BRINP3: variants seen among roughly 807,000 people sequenced by gnomAD.
BRINP3 encodes BMP/retinoic acid-inducible neural-specific protein 3.
A neutral mutation model predicts 71.0 loss-of-function variants in BRINP3; 19 were observed. The observed-to-expected ratio is 0.27, with a 90% CI of 0.19 to 0.39. The LOEUF (loss-of-function observed/expected upper bound fraction) is 0.39. Ranked by LOEUF, BRINP3 falls within the 10% of genes least tolerant of loss-of-function variation. BRINP3 has a pLI of 1.00. For synonymous variants in BRINP3, 380 were observed against 337.7 expected, an observed-to-expected ratio of 1.13 and a Z score of -1.37; for missense variants, 959 against 940.8, an observed-to-expected ratio of 1.02 and a Z score of -0.25.
intron 1 of BRINP3, among the ~76,000 whole-genome samples, chr1:190,466,541 T>C (rs1217634678): frequency 1.3e-5 from 2 of 151,810 alleles, no homozygotes; most frequent in African/African-American, 4.8e-5. Flanking sequence ...ACTTTCAGAA[T>C]TTCAAAATAA....
At chr1:190,472,026 A>G (rs887775113) in intron 1 of BRINP3, among the ~76,000 whole-genome samples, 26 of 151,604 alleles carry the variant, frequency 1.7e-4, no homozygotes, top group African/African-American at 6.3e-4. Context: ...AAGTTGAGTC[A>G]ACATTGTTTA....
intron 2 of BRINP3, among the ~76,000 whole-genome samples, chr1:190,305,917 TTA>T (rs1224453930): frequency 6.6e-6 from 1 of 151,974 alleles, no homozygotes; most frequent in African/African-American, 2.4e-5. Context: ...ATATGTACAA[TTA>T]TGTGTTAATC....
chr1:190,215,385 G>A (rs1342728256), intron 6 of BRINP3, among the ~76,000 whole-genome samples: 1 of 151,776 alleles, frequency 6.6e-6, no homozygotes, highest in African/African-American at 2.4e-5. Flanking sequence ...ACCGACAGCA[G>A]ATTTTATTAA....
chr1:190,128,024 T>C (rs920238792), intron 7 of BRINP3, among the ~76,000 whole-genome samples: 4 of 151,754 alleles, frequency 2.6e-5, no homozygotes, highest in African/African-American at 9.7e-5. Context: ...TTTCAATTCA[T>C]TGGCTGTAAT....
intron 6 of BRINP3, among the ~76,000 whole-genome samples, chr1:190,188,762 CTT>C (rs879853753): frequency 6.9e-6 from 1 of 145,882 alleles, no homozygotes; most frequent in African/African-American, 2.5e-5. Context: ...TTGCTGGTAT[CTT>C]TTTTTTTTTT....
At chr1:190,104,789 G>C (rs947662219) in intron 7 of BRINP3, among the ~76,000 whole-genome samples, 1 of 151,738 alleles carries the variant, frequency 6.6e-6, no homozygotes, top group East Asian at 1.9e-4. Flanking sequence ...CAATTACCTC[G>C]TCTCATGGTT....
chr1:190,256,453 T>C (rs1571533620), intron 4 of BRINP3, among the ~76,000 whole-genome samples: 1 of 152,214 alleles, frequency 6.6e-6, no homozygotes, highest in African/African-American at 2.4e-5. Context: ...TTTGCCACTC[T>C]GTGTTTTTAA....
At chr1:190,370,433 C>G (rs943915238) in intron 2 of BRINP3, among the ~76,000 whole-genome samples, 11 of 152,006 alleles carry the variant, frequency 7.2e-5, no homozygotes, top group Non-Finnish European at 5.9e-5. Context: ...TGATATAATT[C>G]TCAACAAACC....
chr1:190,322,385 T>C (rs1298943409), intron 2 of BRINP3, among the ~76,000 whole-genome samples: 1 of 152,056 alleles, frequency 6.6e-6, no homozygotes, highest in Non-Finnish European at 1.5e-5. Context: ...AACAAAATAA[T>C]AGTCTGCACC....
intron 3 of BRINP3, among the ~76,000 whole-genome samples, chr1:190,269,776 A>G (rs935713186): frequency 6.6e-6 from 1 of 152,110 alleles, no homozygotes; most frequent in Non-Finnish European, 1.5e-5. Context: ...AAAAGTAGAA[A>G]TAAACAGGCC....
intron 2 of BRINP3, among the ~76,000 whole-genome samples, chr1:190,435,571 TAAAC>T (rs955318613): frequency 6.6e-6 from 1 of 152,086 alleles, no homozygotes; most frequent in Non-Finnish European, 1.5e-5. Context: ...ATCTTCTAGA[TAAAC>T]TAACTCACAA....
intron 7 of BRINP3, among the ~76,000 whole-genome samples, chr1:190,156,978 G>A (rs1023920264): frequency 6.6e-6 from 1 of 151,850 alleles, no homozygotes; most frequent in Admixed American, 6.6e-5. Flanking sequence ...AGAAATTAAT[G>A]TGGCTTCCAT....
At chr1:190,379,857 G>A (rs2102239417) in intron 2 of BRINP3, among the ~76,000 whole-genome samples, 1 of 151,786 alleles carries the variant, frequency 6.6e-6, no homozygotes, top group South Asian at 2.1e-4. Flanking sequence ...AAATTACCTG[G>A]GTGTGGTGGT....
intron 6 of BRINP3, among the ~76,000 whole-genome samples, chr1:190,194,752 A>G (rs1282530523): frequency 6.6e-6 from 1 of 152,122 alleles, no homozygotes; most frequent in Non-Finnish European, 1.5e-5. Flanking sequence ...GGAGATACTA[A>G]TGAAATTTAC....
intron 4 of BRINP3, among the ~76,000 whole-genome samples, chr1:190,240,997 T>C (rs1659034746): frequency 6.6e-6 from 1 of 151,762 alleles, no homozygotes; most frequent in East Asian, 1.9e-4. Context: ...CATCATAAAA[T>C]TGCAGGGCAA....
chr1:190,312,831 T>C (rs1665627737), intron 2 of BRINP3, among the ~76,000 whole-genome samples: 1 of 151,870 alleles, frequency 6.6e-6, no homozygotes, highest in Non-Finnish European at 1.5e-5. Context: ...ATTTCTTTCA[T>C]AGTCTCAAAC....
At chr1:190,387,687 C>A (rs1670999139) in intron 2 of BRINP3, among the ~76,000 whole-genome samples, 1 of 151,718 alleles carries the variant, frequency 6.6e-6, no homozygotes, top group Non-Finnish European at 1.5e-5. Flanking sequence ...TGTTTGCTTG[C>A]TCATTTGTTT....
chr1:190,122,015 T>C (rs1653707854), intron 7 of BRINP3, among the ~76,000 whole-genome samples: 1 of 152,198 alleles, frequency 6.6e-6, no homozygotes. Context: ...GTGAAGAATA[T>C]TATATTACAA....
chr1:190,330,889 T>C (rs1449236741), intron 2 of BRINP3, among the ~76,000 whole-genome samples: 1 of 151,880 alleles, frequency 6.6e-6, no homozygotes, highest in African/African-American at 2.4e-5. Flanking sequence ...AAACCAAATA[T>C]GGCATGTTCT....
Sources: gnomAD v4.1 joint callset for allele counts (sites outside exome capture counted in the v4.1 genomes callset) on GRCh38, gnomAD v4.1.1 for gene constraint, MANE v1.5 for transcripts, NCBI Gene and HGNC (gene_info 2026-07-23, HGNC 2026-07-21) for gene names.